The following RFX6 variants were observed in gnomAD, a reference collection of about 807,000 sequenced individuals.
RFX6 encodes the protein DNA-binding protein RFX6.
RFX6 carries 50 observed loss-of-function variants against 110.8 expected under a neutral mutation model. That is an observed-to-expected ratio of 0.45 (90% CI 0.36 to 0.57). RFX6 has a LOEUF of 0.57. RFX6 is among the 20% of genes least tolerant of loss of function. The pLI is 0.00. For synonymous variants in RFX6, 383 were observed against 411.2 expected, an observed-to-expected ratio of 0.93 and a Z score of 0.83; for missense variants, 990 against 1,127.0, an observed-to-expected ratio of 0.88 and a Z score of 1.74.
At chr6:116,886,329 C>T (rs1340088980) in intron 4 of RFX6, among the ~76,000 whole-genome samples, 1 of 152,140 alleles carries the variant, frequency 6.6e-6, no homozygotes, top group Admixed American at 6.5e-5. Context: ...AGTCATCTCA[C>T]TGGGGACTAT....
intron 4 of RFX6, chr6:116,885,067 C>T (rs1270352834): frequency 6.6e-6 from 1 of 151,654 alleles, no homozygotes; most frequent in African/African-American, 2.4e-5. Context: ...CCTTTATTTC[C>T]AAGAAATATC....
chr6:116,927,935 GT>G (rs1775784928), intron 17 of RFX6, among the ~76,000 whole-genome samples: 1 of 151,588 alleles, frequency 6.6e-6, no homozygotes, highest in Non-Finnish European at 1.5e-5. Context: ...TAGAGACAAA[GT>G]CTCACTATGT....
chr6:116,923,839 G>A (rs1441323018), intron 14 of RFX6, among the ~76,000 whole-genome samples: 1 of 152,056 alleles, frequency 6.6e-6, no homozygotes, highest in African/African-American at 2.4e-5. Flanking sequence ...TAGAATTCCT[G>A]AGACTCCTAT....
In RFX6 at chr6:116,927,096, G is replaced by C. The variant is rs867520268; in HGVS notation, c.1955G>C (p.Arg652Pro). The change falls in exon 17 of 19, where the codon CGA (arginine) becomes CCA (proline). Residue 652 changes from arginine to proline, a missense_variant. This residue lies in a region of RFX6 where 438 missense variants were observed against 441.9 expected (regional missense o/e 0.99). Coordinates refer to ENST00000332958, the MANE Select transcript of RFX6 (RefSeq NM_173560.4). The part of the protein sequence containing the change: ...TPPISPAMAS[R>P]GSVINQGPMA... ...CCCATTTCTCCAGCCATGGCAAGCCGAGGAAGTGTCATTAACCAAGGACCA... is the reference window on the plus strand; with the variant it reads ...CCCATTTCTCCAGCCATGGCAAGCCCAGGAAGTGTCATTAACCAAGGACCA... 1 of 1,613,956 alleles carries C rather than the reference G, an allele frequency of 6.2e-7. No individual in the cohort carries two copies. Among genetic ancestry groups the C allele is most frequent in the Non-Finnish European group, 8.5e-7 (1 of 1,179,880 alleles).
chr6:116,927,958 G>T (rs1228186660), intron 17 of RFX6, among the ~76,000 whole-genome samples: 1 of 151,430 alleles, frequency 6.6e-6, no homozygotes, highest in Non-Finnish European at 1.5e-5. Flanking sequence ...TGCCCAGGCT[G>T]GTCTCAAACT....
rs1775756416 is a variant in RFX6, at chr6:116,927,123, T to C, written c.1982T>C (p.Met661Thr). ...SRGSVINQGP[M>T]AGRPPSVGPV... ...GGAAGTGTCATTAACCAAGGACCAA[T>C]GGCAGGGAGGCCCCCAAGTGTGGGC... Residue 661 changes from methionine to threonine, a missense_variant, in exon 17 of 19, where the codon ATG (methionine) becomes ACG (threonine). Met to Thr is a moderately conservative substitution (Grantham distance 81). Transcript: ENST00000332958. 6.2e-7 allele frequency: 1 copy of C among 1,614,162 alleles called. No homozygotes were observed. The highest frequency in any genetic ancestry group is 8.5e-7 in the Non-Finnish European group (1 of 1,180,024).
chr6:116,899,726 A>C (rs981648975), intron 6 of RFX6, among the ~76,000 whole-genome samples: 1 of 152,190 alleles, frequency 6.6e-6, no homozygotes, highest in African/African-American at 2.4e-5. Context: ...AATAATACTT[A>C]GGAGGAAATA....
Position 116,922,024 on chromosome 6 carries a change from T to C in RFX6, c.1328-18T>C, listed in dbSNP as rs760703655. The C allele has an allele frequency of 9.1e-7, 1 of 1,104,382 alleles. No homozygotes were observed. The highest frequency in any genetic ancestry group is 2.4e-5 in the East Asian group (1 of 42,484). The allele number at this position is 1,104,382 out of a possible 1,614,324, so 68.4% of individuals were successfully genotyped here. ...ATTCTGTTTTCTTTTCTTTCTTTTT[T>C]TTTTTTTTCCTGGGTAGATGACTCT... is the stretch of plus-strand genomic sequence containing the variant. On this transcript the variant is annotated intron_variant, in intron 12 of 18. Coordinates refer to ENST00000332958, the MANE Select transcript of RFX6 (RefSeq NM_173560.4).
intron 6 of RFX6, among the ~76,000 whole-genome samples, chr6:116,901,181 G>A (rs1775066285): frequency 6.6e-6 from 1 of 152,162 alleles, no homozygotes; most frequent in Non-Finnish European, 1.5e-5. Flanking sequence ...ATAATGTTCA[G>A]TAAGTTGGGT....
Position 116,877,411 on chromosome 6 carries a change from T to A in RFX6, c.136T>A (p.Tyr46Asn). ...GCTAGTCTATCCGGAAGAAACAGTG[T>A]ACCTGGCGGCCGAAGGGCAGCCCGG... ...GLLVYPEETV[Y>N]LAAEGQPGGE... is the part of the protein sequence containing the mutation. The change falls in exon 1 of 19, where the codon TAC (tyrosine) becomes AAC (asparagine). Residue 46 changes from tyrosine to asparagine, a missense_variant. Tyr to Asn is a moderately radical substitution (Grantham distance 143, BLOSUM62 -2). Coordinates refer to ENST00000332958, the MANE Select transcript of RFX6 (RefSeq NM_173560.4). The A allele has an allele frequency of 6.2e-7, 1 of 1,603,848 alleles. No homozygotes were observed.
intron 18 of RFX6, among the ~76,000 whole-genome samples, chr6:116,929,627 A>C (rs544255277): frequency 3.9e-5 from 6 of 152,232 alleles, no homozygotes; most frequent in Non-Finnish European, 8.8e-5. Flanking sequence ...ATTCTGCAAT[A>C]ATAATTAGTA....
At chr6:116,886,610 G>T (rs549690873) in intron 4 of RFX6, among the ~76,000 whole-genome samples, 2 of 152,276 alleles carry the variant, frequency 1.3e-5, no homozygotes, top group African/African-American at 4.8e-5. Flanking sequence ...ATAACTGGCT[G>T]TTAATTACAG....
chr6:116,916,423 T>C, intron 9 of RFX6, 109 bp downstream of exon 9: 2 of 739,314 alleles, frequency 2.7e-6, no homozygotes, highest in South Asian at 3.0e-5. Flanking sequence ...TGGCTGGATA[T>C]ACACTGTCTT....
chr6:116,923,066 A>T, intron 13 of RFX6, 41 bp from the exon 14 acceptor site: 1 of 1,024,272 alleles, frequency 9.8e-7, no homozygotes, highest in Non-Finnish European at 1.6e-6. Flanking sequence ...TAGTACTGAG[A>T]GGACGGATTT....
intron 17 of RFX6, 115 bp from the exon 18 acceptor site, chr6:116,928,644 T>C: frequency 1.3e-6 from 1 of 749,170 alleles, no homozygotes; most frequent in Non-Finnish European, 2.4e-6. Context: ...GATACACATG[T>C]AATACTTACA....
chr6:116,906,883 C>G (rs1435096889), intron 6 of RFX6, among the ~76,000 whole-genome samples: 1 of 147,144 alleles, frequency 6.8e-6, no homozygotes, highest in African/African-American at 2.5e-5. Context: ...TGCCTAACTA[C>G]TCTAGCTAAG....
chr6:116,928,823 C>G lies in RFX6; in HGVS notation c.2463C>G (p.His821Gln). The change falls in exon 18 of 19, where the codon CAC becomes CAG. Residue 821 changes from histidine to glutamine, a missense_variant. By Grantham distance (24) the His-to-Gln change is conservative. Around this residue, in one of 5 missense-constraint regions of RFX6, gnomAD observed 438 missense variants for 441.9 expected, o/e 0.99. Transcript: ENST00000332958. ...GGCTCGGATCAATGGTGAATCAGCA[C>G]GTTTCTGTCATCAGCAGCATTCGTT... ...SHRLGSMVNQ[H>Q]VSVISSIRSL... 1 of 1,613,962 alleles carries G rather than the reference C, an allele frequency of 6.2e-7. No individual in the cohort carries two copies. Among genetic ancestry groups the G allele is most frequent in the Non-Finnish European group, 8.5e-7 (1 of 1,179,846 alleles).
intron 6 of RFX6, among the ~76,000 whole-genome samples, chr6:116,902,986 A>G (rs9489061): frequency 0.01 from 1,589 of 152,138 alleles, 25 homozygotes; most frequent in African/African-American, 0.036. Flanking sequence ...GATTCTTAAT[A>G]GTTCACCCAA....
chr6:116,892,296 T>C (rs1774849271), intron 4 of RFX6, among the ~76,000 whole-genome samples: 1 of 152,172 alleles, frequency 6.6e-6, no homozygotes, highest in Non-Finnish European at 1.5e-5. Context: ...TTTGGGGGGC[T>C]CATTCTGGCT....
Sources: allele counts gnomAD v4.1 joint callset (sites outside exome capture counted in the v4.1 genomes callset), GRCh38; gene constraint gnomAD v4.1.1; regional missense constraint gnomAD v4.1.1; transcripts MANE v1.5; gene names NCBI Gene and HGNC (gene_info 2026-07-23, HGNC 2026-07-21).